The following ZNF626 variants were observed in gnomAD, a reference collection of about 807,000 sequenced individuals.
ZNF626 encodes zinc finger protein 626, also known as CTC-513N18.7.
A neutral mutation model predicts 11.7 loss-of-function variants in ZNF626; 4 were observed. That is an observed-to-expected ratio of 0.34 (90% CI 0.17 to 0.78). The LOEUF (loss-of-function observed/expected upper bound fraction) is 0.78. Among genes scored for constraint, ZNF626 ranks in the 30% least tolerant of loss-of-function variants. ZNF626 has a pLI of 0.57. For synonymous variants in ZNF626, 179 were observed against 198.6 expected (o/e 0.90, Z 0.83); for missense variants, 588 against 587.1 (o/e 1.00, Z -0.01).
chr19:20,643,121 T>C (rs1401790689), intron 3 of ZNF626, among the ~76,000 whole-genome samples: 1 of 152,134 alleles, frequency 6.6e-6, no homozygotes, highest in Non-Finnish European at 1.5e-5. Flanking sequence ...AGCAGTAAAA[T>C]TTTGAGAATA....
chr19:20,658,796 C>T (rs1970233091), intron 1 of ZNF626, among the ~76,000 whole-genome samples: 1 of 152,120 alleles, frequency 6.6e-6, no homozygotes, highest in Admixed American at 6.5e-5. Context: ...GGTCCCACAA[C>T]ATTGTCCTCA....
At position 20,624,197 on chromosome 19, in the gene ZNF626, C is replaced by G. The variant is rs782202780; in HGVS notation, c.*93G>C. ...TCTTCACATCTGTAGGGTTTTTTTC[C>G]AGTATGAATTTTCTTATGTGTAGTA... On this transcript the variant is annotated 3_prime_UTR_variant, in exon 4 of 4. Coordinates refer to ENST00000601440, the MANE Select transcript of ZNF626 (RefSeq NM_001076675.3). 6.3e-7 allele frequency: 1 copy of G among 1,598,584 alleles called. No individual in the cohort carries two copies. Among genetic ancestry groups the G allele is most frequent in the African/African-American group, 1.3e-5 (1 of 74,578 alleles).
In ZNF626 at chr19:20,653,496, A is replaced by G. The variant is rs1211554633; in HGVS notation, c.4-7091T>C. ...GCTAATTACTTATATTCAATGACAA[A>G]TAAACTTTTCACCTCTTTATAACAG... On this transcript the variant is annotated intron_variant, in intron 1 of 3. Transcript: ENST00000601440. 2.0e-5 allele frequency among the ~76,000 whole-genome samples: 3 copies of G among 152,032 alleles called. No homozygotes were observed. The East Asian group carries it at 5.8e-4, about 29-fold the overall frequency.
chr19:20,624,076 G>T lies in ZNF626; in HGVS notation c.*214C>A. ...AGTAAGGTGTGAGGATAGGTGAAAA[G>T]CTTTACCACATTATTCACATCTGTA... is the stretch of plus-strand genomic sequence containing the variant. On this transcript the variant is annotated 3_prime_UTR_variant, in exon 4 of 4. Transcript: ENST00000601440. The T allele has an allele frequency of 1.2e-6, 1 of 850,868 alleles. No homozygotes were observed. The highest frequency in any genetic ancestry group is 2.0e-6 in the Non-Finnish European group (1 of 499,870). The allele number at this position is 850,868 out of a possible 1,614,324, so 52.7% of individuals were successfully genotyped here.
intron 1 of ZNF626, among the ~76,000 whole-genome samples, chr19:20,653,058 G>A (rs909035886): frequency 1.3e-5 from 2 of 152,152 alleles, no homozygotes; most frequent in Non-Finnish European, 2.9e-5. Context: ...GAGGACTATA[G>A]ATAAGAAATA....
At chr19:20,660,050 CAG>C (rs1477848445) in intron 1 of ZNF626, among the ~76,000 whole-genome samples, 2 of 151,908 alleles carry the variant, frequency 1.3e-5, no homozygotes, top group Non-Finnish European at 2.9e-5. Flanking sequence ...GGGTCTGAGG[CAG>C]AGAGTTCAAG....
chr19:20,661,418 T>A (rs782091677), intron 1 of ZNF626, 26 bp downstream of exon 1: 1 of 1,613,568 alleles, frequency 6.2e-7, no homozygotes, highest in African/African-American at 1.3e-5. Context: ...CTCTCCTCTC[T>A]CGGGATGTCG....
intron 3 of ZNF626, among the ~76,000 whole-genome samples, chr19:20,644,285 A>C (rs1481030848): frequency 6.6e-6 from 1 of 152,226 alleles, no homozygotes; most frequent in African/African-American, 2.4e-5. Context: ...TCCTGATTTA[A>C]GGCCCAGCAT....
chr19:20,656,865 C>G (rs1315949517), intron 1 of ZNF626, among the ~76,000 whole-genome samples: 4 of 152,064 alleles, frequency 2.6e-5, no homozygotes, highest in African/African-American at 9.7e-5. Flanking sequence ...ATTAGTTCAA[C>G]AACAGTAAAA....
In ZNF626 at chr19:20,661,519, C is replaced by A. The variant is rs1305748686; in HGVS notation, c.-73G>T. The stretch of plus-strand genomic sequence containing the variant: ...ACCTGCAGGACACGGGGCCACACAG[C>A]CTGGGCCTTTAGGAGAAGAACCAGA... On this transcript the variant is annotated 5_prime_UTR_variant, in exon 1 of 4. Coordinates refer to ENST00000601440, the MANE Select transcript of ZNF626 (RefSeq NM_001076675.3). The A allele has an allele frequency of 2.6e-6, 4 of 1,529,832 alleles. No individual in the cohort carries two copies. Among genetic ancestry groups the A allele is most frequent in the Non-Finnish European group, 3.5e-6 (4 of 1,140,938 alleles). 94.8% of individuals were successfully genotyped at this position (1,529,832 alleles called of 1,614,324 possible). A position where few individuals can be genotyped will look rare whatever the true frequency, so the allele number is the denominator to read the frequency against.
intron 1 of ZNF626, among the ~76,000 whole-genome samples, chr19:20,652,551 G>A (rs1555772673): frequency 1.3e-5 from 2 of 152,160 alleles, no homozygotes; most frequent in African/African-American, 4.8e-5. Flanking sequence ...TTATAGTTTA[G>A]GGTATGGGAT....
chr19:20,642,824 C>A (rs535268748), intron 3 of ZNF626, among the ~76,000 whole-genome samples: 1 of 152,048 alleles, frequency 6.6e-6, no homozygotes, highest in Admixed American at 6.5e-5. Context: ...ACCAGTCTGT[C>A]AACATGATGA....
chr19:20,648,054 C>T (rs868928240), intron 1 of ZNF626, among the ~76,000 whole-genome samples: 2 of 151,410 alleles, frequency 1.3e-5, no homozygotes, highest in African/African-American at 2.4e-5. Context: ...TGGCAAGCAC[C>T]TGTAATCCTG....
chr19:20,654,034 T>G (rs1309874722), intron 1 of ZNF626, among the ~76,000 whole-genome samples: 1 of 152,228 alleles, frequency 6.6e-6, no homozygotes, highest in African/African-American at 2.4e-5. Flanking sequence ...TAATATCTAC[T>G]AACTGTAACA....
rs1259792935 is a variant in ZNF626, at chr19:20,661,551, G to A, written c.-105C>T. The A allele has an allele frequency of 1.2e-5, 15 of 1,300,894 alleles. No homozygotes were observed. In the South Asian group the frequency reaches 1.5e-4, roughly 13 times the overall value. The allele number at this position is 1,300,894 out of a possible 1,614,324, so 80.6% of individuals were successfully genotyped here. ...CTTTAGGAGAAGAACCAGACCTGGA[G>A]CTCTGACTGCAGCGAGAGACAAAGG... On this transcript the variant is annotated 5_prime_UTR_variant, in exon 1 of 4. Coordinates refer to ENST00000601440, the MANE Select transcript of ZNF626 (RefSeq NM_001076675.3).
intron 1 of ZNF626, among the ~76,000 whole-genome samples, chr19:20,655,808 G>A (rs1970198471): frequency 6.6e-6 from 1 of 151,968 alleles, no homozygotes; most frequent in South Asian, 2.1e-4. Context: ...GGTGGCGGGT[G>A]CCTGTAGTCC....
At chr19:20,659,871 C>A (rs1970245191) in intron 1 of ZNF626, among the ~76,000 whole-genome samples, 1 of 152,034 alleles carries the variant, frequency 6.6e-6, no homozygotes, top group East Asian at 1.9e-4. Context: ...CTTTCCAAGG[C>A]TTTGTAGCTT....
At chr19:20,648,269 C>T (rs1212722584) in intron 1 of ZNF626, among the ~76,000 whole-genome samples, 1 of 151,636 alleles carries the variant, frequency 6.6e-6, no homozygotes, top group African/African-American at 2.4e-5. Context: ...TTTAAGTAGG[C>T]TTCATTTAGC....
chr19:20,626,042 CAGA>C (rs1319925935), intron 3 of ZNF626, among the ~76,000 whole-genome samples: 3 of 152,040 alleles, frequency 2.0e-5, no homozygotes, highest in Non-Finnish European at 4.4e-5. Context: ...GTGGGTGGAT[CAGA>C]AGGTCAGGAG....
Sources: gnomAD v4.1 joint callset for allele counts (sites outside exome capture counted in the v4.1 genomes callset) on GRCh38, gnomAD v4.1.1 for gene constraint, MANE v1.5 for transcripts, NCBI Gene and HGNC (gene_info 2026-07-23, HGNC 2026-07-21) for gene names.